Variants in DDX59 observed in about 807,000 individuals in gnomAD.
DDX59 encodes DEAD-box helicase 59.
In DDX59, 30 loss-of-function variants were observed where a neutral mutation model predicts 51.9. The ratio of observed to expected loss-of-function variants is 0.58; its 90% CI spans 0.43 to 0.78. The LOEUF is 0.78. Ranked by LOEUF, DDX59 falls within the 30% of genes least tolerant of loss-of-function variation. The probability of loss-of-function intolerance (pLI) is 0.00; values close to 1 mark genes in which losing one functional copy is unlikely to be tolerated. For missense variants in DDX59, 672 were observed against 730.8 expected, an observed-to-expected ratio of 0.92 and a Z score of 0.93; for synonymous variants, 255 against 253.3, an observed-to-expected ratio of 1.01 and a Z score of -0.06.
rs532467570 is a variant in DDX59 at position 200,663,317 on chromosome 1, A to G, written c.972+602T>C. On this transcript the variant is annotated intron_variant, in intron 3 of 7. Coordinates refer to ENST00000331314, the MANE Select transcript of DDX59 (RefSeq NM_001031725.6). ...GGTCAGCATCTGTGCCAAACCTTCC[A>G]TTAAACATTTTTATTTTAAAGGCAG... Among the ~76,000 whole-genome samples the G allele has an allele frequency of 7.2e-5, 11 of 152,342 alleles. No individual in the cohort carries two copies. In the South Asian group the frequency reaches 2.3e-3, roughly 32 times the overall value.
chr1:200,665,714 G>A (rs561633918), intron 2 of DDX59, among the ~76,000 whole-genome samples: 30 of 152,168 alleles, frequency 2.0e-4, no homozygotes, highest in Non-Finnish European at 3.1e-4. Flanking sequence ...TTTTTAGATC[G>A]TCAATAAAGA....
chr1:200,664,187 G>A, intron 2 of DDX59, 101 bp from the exon 3 acceptor site: 2 of 1,347,196 alleles, frequency 1.5e-6, no homozygotes, highest in Non-Finnish European at 1.0e-6. Context: ...CCCCTTTAAA[G>A]TGTTCCCAAC....
Position 200,644,433 on chromosome 1 carries a change from C to T in DDX59, c.1681G>A (p.Ala561Thr). ...GATCCTGTGGGCTTTACTCGTTTTG[C>T]AATATCCCAGAAGAGTCTTTTTGAA... ...NNSKRLFWDI[A>T]KRVKPTGSIL... Residue 561 changes from alanine (A) to threonine (T), a missense_variant, in exon 8 of 8, where the codon GCA becomes ACA. Physicochemically the swap from Ala to Thr is moderately conservative, Grantham distance 58. Transcript: ENST00000331314. The T allele has an allele frequency of 2.5e-6, 4 of 1,613,540 alleles. No homozygotes were observed. The highest frequency in any genetic ancestry group is 2.5e-6 in the Non-Finnish European group (3 of 1,179,798).
At chr1:200,643,286 C>CA (rs938020667), downstream of DDX59, among the ~76,000 whole-genome samples, 5 of 151,360 alleles carry the variant, frequency 3.3e-5, no homozygotes, top group Non-Finnish European at 5.9e-5. Flanking sequence ...GATGCTATCT[C>CA]AAAAAAACAA....
downstream of DDX59, chr1:200,641,358 G>A: frequency 2.4e-6 from 1 of 413,278 alleles, no homozygotes; most frequent in Non-Finnish European, 4.0e-6. Flanking sequence ...TAAATATGTG[G>A]CAATGATCTT....
chr1:200,667,033 G>A (rs376233525), intron 1 of DDX59, among the ~76,000 whole-genome samples: 3 of 150,310 alleles, frequency 2.0e-5, no homozygotes, highest in African/African-American at 5.0e-5. Context: ...ACTTGATCCC[G>A]GGGGGCAGAG....
Position 200,666,661 on chromosome 1 carries a change from G to C in DDX59, c.80C>G (p.Pro27Arg). 6.2e-7 allele frequency: 1 copy of C among 1,614,106 alleles called. No individual in the cohort carries two copies. The highest frequency in any genetic ancestry group is 8.5e-7 in the Non-Finnish European group (1 of 1,180,022). ...GTCCAACTGAAGGTCTTCTGGGTCT[G>C]GTTTAATTATCTTAGCCACACAACT... ...GKSCVAKIIK[P>R]DPEDLQLDKS... is the part of the protein sequence containing the mutation. Residue 27 changes from proline (P) to arginine (R), a missense_variant, in exon 2 of 8, where the codon CCA (proline) becomes CGA (arginine). Coordinates refer to ENST00000331314, the MANE Select transcript of DDX59 (RefSeq NM_001031725.6).
In DDX59 at chr1:200,666,068, C is replaced by T. The variant is rs770720578; in HGVS notation, c.673G>A (p.Val225Met). ...ATCTGCATTTGAATGGGAGTTGGCA[C>T]CTCATAGCCTGATTTCTTCAAGTTG... ...NHNLKKSGYEVPTPIQMQMIP... is the reference protein window; with the variant it reads ...NHNLKKSGYEMPTPIQMQMIP... The change falls in exon 2 of 8, where the codon GTG becomes ATG. Residue 225 changes from valine (V) to methionine (M), a missense_variant. Val to Met is a conservative substitution (Grantham distance 21, BLOSUM62 1). Coordinates refer to ENST00000331314, the MANE Select transcript of DDX59 (RefSeq NM_001031725.6). 1 of 1,614,176 alleles carries T rather than the reference C, an allele frequency of 6.2e-7. No individual in the cohort carries two copies.
intron 1 of DDX59, 43 bp from the exon 2 acceptor site, chr1:200,666,794 A>G: frequency 1.1e-5 from 17 of 1,544,088 alleles, no homozygotes; most frequent in Non-Finnish European, 1.5e-5. Flanking sequence ...TACCATTAAT[A>G]AAGTTCACAT....
In DDX59 at chr1:200,661,311, T is replaced by G. The variant is rs1662359556; in HGVS notation, c.973-2195A>C. Among the ~76,000 whole-genome samples, 7 of 152,016 alleles carry G rather than the reference T, an allele frequency of 4.6e-5. 1 individual carries two copies. Among genetic ancestry groups the G allele is most frequent in the Admixed American group, 4.6e-4 (7 of 15,260 alleles). On this transcript the variant is annotated intron_variant, in intron 3 of 7. Transcript: ENST00000331314. ...GATATAAATAAATATATAAATAAAT[T>G]CAAAGTGTGGTGAAGAATGAGAAAT...
At position 200,666,005 on chromosome 1, in the gene DDX59, T is replaced by C; in HGVS notation, c.736A>G (p.Ser246Gly). The change falls in exon 2 of 8, where the codon AGT becomes GGT. Residue 246 changes from serine (S) to glycine (G), a missense_variant. Ser to Gly is a moderately conservative substitution (Grantham distance 56, BLOSUM62 0). Coordinates refer to ENST00000331314, the MANE Select transcript of DDX59 (RefSeq NM_001031725.6). ...GTTTTTCCTGAGCCAGTATCTGCAC[T>C]GGCCAGAATGTCTCTTCCCAGAAGT... ...VGLLGRDILASADTGSGKTAA... is the reference protein window; with the variant it reads ...VGLLGRDILAGADTGSGKTAA... 1.2e-6 allele frequency: 2 copies of C among 1,614,256 alleles called. No homozygotes were observed. Among genetic ancestry groups the C allele is most frequent in the Non-Finnish European group, 8.5e-7 (1 of 1,180,044 alleles).
intron 7 of DDX59, among the ~76,000 whole-genome samples, chr1:200,646,336 A>G (rs1661292772): frequency 6.6e-6 from 1 of 152,166 alleles, no homozygotes; most frequent in Admixed American, 6.6e-5. Flanking sequence ...CCCGTCTCTT[A>G]AAAAAACAAA....
intron 1 of DDX59, 77 bp from the exon 2 acceptor site, chr1:200,666,828 C>T: frequency 7.6e-6 from 11 of 1,450,870 alleles, no homozygotes; most frequent in South Asian, 1.4e-5. Context: ...TGATTAAGGA[C>T]AAGGTGCGGT....
chr1:200,662,081 T>C (rs970451647), intron 3 of DDX59, among the ~76,000 whole-genome samples: 16 of 152,156 alleles, frequency 1.1e-4, no homozygotes, highest in Admixed American at 1.0e-3. Flanking sequence ...GAGGCCTCCT[T>C]AGAGGCAGAA....
At chr1:200,648,857 A>C (rs1404114741) in intron 6 of DDX59, among the ~76,000 whole-genome samples, 1 of 152,220 alleles carries the variant, frequency 6.6e-6, no homozygotes, top group African/African-American at 2.4e-5. Context: ...TTGAATTAGT[A>C]ATCTATTTAG....
chr1:200,660,291 T>C (rs1662293922), intron 3 of DDX59, among the ~76,000 whole-genome samples: 1 of 152,238 alleles, frequency 6.6e-6, no homozygotes, highest in Non-Finnish European at 1.5e-5. Context: ...CTCAGTTTTG[T>C]TTATCTGAAA....
Position 200,648,551 on chromosome 1 carries a change from T to A in DDX59, c.1484A>T (p.Asp495Val), listed in dbSNP as rs1281219056. 3 of 1,613,216 alleles carry A rather than the reference T, an allele frequency of 1.9e-6. No individual in the cohort carries two copies. The highest frequency in any genetic ancestry group is 8.5e-7 in the Non-Finnish European group (1 of 1,179,644). Residue 495 changes from aspartate (D) to valine (V), a missense_variant, in exon 7 of 8, where the codon GAC becomes GTC. By Grantham distance (152) the Asp-to-Val change is radical. Transcript: ENST00000331314. ...KNILKGLLEG[D>V]YEVVVSTGVL... ...TCCTGTGCTCACTACAACTTCATAG[T>A]CTCCTTCAAGTAATCCCTTTCCAAA... is the stretch of plus-strand genomic sequence containing the variant.
chr1:200,664,478 T>TCTTGTGGA (rs1165332226), intron 2 of DDX59, among the ~76,000 whole-genome samples: 1 of 152,220 alleles, frequency 6.6e-6, no homozygotes, highest in African/African-American at 2.4e-5. Flanking sequence ...CTCTTAGCTC[T>TCTTGTGGA]CTTGTGGATT....
At chr1:200,647,463 T>C (rs560959584) in intron 7 of DDX59, among the ~76,000 whole-genome samples, 2 of 152,164 alleles carry the variant, frequency 1.3e-5, no homozygotes, top group East Asian at 1.9e-4. Flanking sequence ...TTTTTGATTA[T>C]AAAATCTCAC....
Sources: allele counts gnomAD v4.1 joint callset (sites outside exome capture counted in the v4.1 genomes callset), GRCh38; gene constraint gnomAD v4.1.1; transcripts MANE v1.5; gene names NCBI Gene and HGNC (gene_info 2026-07-23, HGNC 2026-07-21).